The following UHRF2 variants were observed in gnomAD, a reference collection of about 807,000 sequenced individuals.
The protein encoded by UHRF2 is E3 ubiquitin-protein ligase UHRF2.
A neutral mutation model predicts 96.8 loss-of-function variants in UHRF2; 23 were observed. The ratio of observed to expected loss-of-function variants is 0.24; its 90% CI spans 0.17 to 0.34. UHRF2 has a LOEUF of 0.34. Among genes scored for constraint, UHRF2 ranks in the 10% least tolerant of loss-of-function variants. The probability of loss-of-function intolerance (pLI) is 1.00; values close to 1 mark genes in which losing one functional copy is unlikely to be tolerated. For synonymous variants in UHRF2, 385 were observed against 332.6 expected (o/e 1.16, Z -1.72); for missense variants, 685 against 981.5 (o/e 0.70, Z 4.04).
At chr9:6,467,003 C>G (rs1427216922) in intron 4 of UHRF2, among the ~76,000 whole-genome samples, 1 of 152,186 alleles carries the variant, frequency 6.6e-6, no homozygotes, top group Non-Finnish European at 1.5e-5. Context: ...ATTATCACCC[C>G]ATTTGTATTT....
chr9:6,460,904 A>G, intron 4 of UHRF2, 113 bp downstream of exon 4: 1 of 773,872 alleles, frequency 1.3e-6, no homozygotes, highest in Non-Finnish European at 1.9e-6. Flanking sequence ...TAAAAGATGG[A>G]AATTTCCATA....
intron 3 of UHRF2, among the ~76,000 whole-genome samples, chr9:6,437,444 G>C (rs1344685144): frequency 6.6e-6 from 1 of 152,082 alleles, no homozygotes; most frequent in African/African-American, 2.4e-5. Context: ...TGTTGGTCAG[G>C]CTGGTCTTGA....
At chr9:6,421,231 G>A (rs1819912342) in intron 2 of UHRF2, 89 bp downstream of exon 2, 1 of 1,012,004 alleles carries the variant, frequency 9.9e-7, no homozygotes, top group Non-Finnish European at 1.4e-6. Context: ...AACATTGATT[G>A]CCATTTGAAA....
At chr9:6,499,420 T>G (rs1304064004) in intron 12 of UHRF2, 1 of 152,458 alleles carries the variant, frequency 6.6e-6, no homozygotes, top group African/African-American at 2.4e-5. Context: ...CTTAATGTTC[T>G]TGATATTTTT....
intron 3 of UHRF2, among the ~76,000 whole-genome samples, chr9:6,445,638 A>G (rs1370555777): frequency 1.3e-5 from 2 of 152,038 alleles, no homozygotes; most frequent in African/African-American, 4.8e-5. Context: ...GCTCACTGCA[A>G]CCTTGACCTC....
At chr9:6,440,297 C>A (rs990283469) in intron 3 of UHRF2, among the ~76,000 whole-genome samples, 1 of 152,154 alleles carries the variant, frequency 6.6e-6, no homozygotes, top group Non-Finnish European at 1.5e-5. Flanking sequence ...CTGAGCATAA[C>A]TTCTTACACA....
chr9:6,459,164 T>G (rs1443099754), intron 3 of UHRF2, among the ~76,000 whole-genome samples: 1 of 152,160 alleles, frequency 6.6e-6, no homozygotes, highest in African/African-American at 2.4e-5. Flanking sequence ...CCTGTATACC[T>G]AAGTAACAAA....
Position 6,485,691 on chromosome 9 carries a change from G to A in UHRF2, c.1393-1130G>A, listed in dbSNP as rs140278518. On this transcript the variant is annotated intron_variant, in intron 8 of 15. Coordinates refer to ENST00000276893, the MANE Select transcript of UHRF2 (RefSeq NM_152896.3). ...CTAAGAACAATTGTATTGGCCAGGC[G>A]TGGTGGCTCACACCATAATCCCAAC... Among the ~76,000 whole-genome samples the A allele has an allele frequency of 2.6e-4, 38 of 144,538 alleles. No individual in the cohort carries two copies. The Middle Eastern group carries it at 0.019, about 73-fold the overall frequency. 94.8% of individuals were successfully genotyped at this position (144,538 alleles called of 152,430 possible). A position where few individuals can be genotyped will look rare whatever the true frequency, so the allele number is the denominator to read the frequency against.
intron 14 of UHRF2, among the ~76,000 whole-genome samples, chr9:6,502,372 T>C (rs1266165799): frequency 6.6e-6 from 1 of 152,202 alleles, no homozygotes; most frequent in Non-Finnish European, 1.5e-5. Flanking sequence ...TCTCACTCTT[T>C]CATATCCTTT....
intron 9 of UHRF2, 124 bp from the exon 10 acceptor site, chr9:6,493,702 G>A: frequency 1.3e-6 from 1 of 763,478 alleles, no homozygotes; most frequent in South Asian, 2.0e-5. Context: ...CATTATTTTG[G>A]GAGATGCCTC....
chr9:6,439,561 A>G (rs1273907200), intron 3 of UHRF2, among the ~76,000 whole-genome samples: 1 of 152,270 alleles, frequency 6.6e-6, no homozygotes, highest in Non-Finnish European at 1.5e-5. Flanking sequence ...TTGGGTTCAC[A>G]TCATGTACAA....
At chr9:6,436,451 A>G (rs1262959635) in intron 3 of UHRF2, among the ~76,000 whole-genome samples, 2 of 152,228 alleles carry the variant, frequency 1.3e-5, no homozygotes, top group Non-Finnish European at 2.9e-5. Context: ...ATGCTGTGTC[A>G]AAACAGGTAA....
At chr9:6,460,923 G>T (rs1822499788) in intron 4 of UHRF2, 132 bp downstream of exon 4, 2 of 658,668 alleles carry the variant, frequency 3.0e-6, no homozygotes, top group South Asian at 6.7e-5. Flanking sequence ...TACTGAAGGA[G>T]AATATTTTTA....
intron 3 of UHRF2, among the ~76,000 whole-genome samples, chr9:6,451,451 A>C (rs975697370): frequency 7.4e-5 from 10 of 135,718 alleles, no homozygotes; most frequent in African/African-American, 2.7e-4. Flanking sequence ...CTTGTTTCTT[A>C]CCTAGTTTTT....
rs543310711 is a variant in UHRF2, at chr9:6,424,848, CCT to C, written c.384+3707_384+3708del. 1.7e-3 allele frequency among the ~76,000 whole-genome samples: 251 copies of C among 151,648 alleles called. 2 individuals are homozygous for C. The highest frequency in any genetic ancestry group is 7.9e-3 in the East Asian group (41 of 5,174). ...GGTCAGGTATTTTGTAAAATCTCCC[CCT>C]GTTAGGATTCATTTGTTTTCCTTAT... On this transcript the variant is annotated intron_variant, in intron 2 of 15. Coordinates refer to ENST00000276893, the MANE Select transcript of UHRF2 (RefSeq NM_152896.3).
intron 15 of UHRF2, among the ~76,000 whole-genome samples, chr9:6,505,368 T>C (rs995283283): frequency 1.3e-5 from 2 of 152,110 alleles, no homozygotes; most frequent in African/African-American, 2.4e-5. Context: ...CGATCTGGGC[T>C]CACTGTAACC....
intron 3 of UHRF2, among the ~76,000 whole-genome samples, chr9:6,447,429 T>G (rs1045811725): frequency 2.6e-4 from 39 of 152,168 alleles, no homozygotes; most frequent in Non-Finnish European, 5.4e-4. Flanking sequence ...GATGGAAATA[T>G]GCATACCTAG....
intron 4 of UHRF2, chr9:6,468,402 A>G (rs933280996): frequency 2.6e-5 from 12 of 455,766 alleles, no homozygotes; most frequent in Admixed American, 2.6e-4. Flanking sequence ...AAACAACTAA[A>G]TAGCCCGATC....
intron 2 of UHRF2, chr9:6,422,733 C>T (rs1162475487): frequency 1.9e-6 from 1 of 515,158 alleles, no homozygotes; most frequent in African/African-American, 2.0e-5. Flanking sequence ...CTCGGCCTCC[C>T]AAAGTGCTGG....
Sources: gnomAD v4.1 joint callset for allele counts (sites outside exome capture counted in the v4.1 genomes callset) on GRCh38, gnomAD v4.1.1 for gene constraint, MANE v1.5 for transcripts, NCBI Gene and HGNC (gene_info 2026-07-23, HGNC 2026-07-21) for gene names.